The following ERC1 variants were observed in gnomAD, a reference collection of about 807,000 sequenced individuals.
The protein encoded by ERC1 is ELKS/RAB6-interacting/CAST family member 1, also known as RAB6 interacting protein 2.
In ERC1, 56 loss-of-function variants were observed where a neutral mutation model predicts 132.0. That is an observed-to-expected ratio of 0.42 (90% CI 0.34 to 0.53). The LOEUF (loss-of-function observed/expected upper bound fraction) is 0.53, where lower values mean the gene tolerates loss of function less well. ERC1 is among the 20% of genes least tolerant of loss of function. The probability of loss-of-function intolerance (pLI) is 0.03; values close to 1 mark genes in which losing one functional copy is unlikely to be tolerated. For synonymous variants in ERC1, 478 were observed against 476.1 expected (o/e 1.00, Z -0.05); for missense variants, 1,202 against 1,349.9 (o/e 0.89, Z 1.72).
intron 18 of ERC1, among the ~76,000 whole-genome samples, chr12:1,459,257 A>G (rs1263140976): frequency 6.6e-6 from 1 of 152,226 alleles, no homozygotes; most frequent in East Asian, 1.9e-4. Context: ...ATGAACTTTG[A>G]CATTATGATA....
At chr12:990,238 T>C (rs894107459), upstream of ERC1, 9 of 152,148 alleles carry the variant, frequency 5.9e-5, no homozygotes, top group African/African-American at 2.2e-4. Flanking sequence ...AAAATTATTT[T>C]AATAAACACT....
chr12:1,185,950 A>C (rs1250696202), intron 11 of ERC1, among the ~76,000 whole-genome samples: 1 of 152,194 alleles, frequency 6.6e-6, no homozygotes, highest in Non-Finnish European at 1.5e-5. Flanking sequence ...AGTTTCGCTA[A>C]CACATTAAAA....
At chr12:1,184,915 G>T (rs576384832) in intron 11 of ERC1, among the ~76,000 whole-genome samples, 2 of 152,004 alleles carry the variant, frequency 1.3e-5, no homozygotes, top group East Asian at 1.9e-4. Context: ...ACAACACCTG[G>T]CTAAGTTAAT....
At chr12:1,206,813 A>G (rs1957390280) in intron 12 of ERC1, among the ~76,000 whole-genome samples, 1 of 152,198 alleles carries the variant, frequency 6.6e-6, no homozygotes, top group East Asian at 1.9e-4. Flanking sequence ...ATTATCAGTT[A>G]CCACTGTAGA....
At chr12:1,000,019 A>G (rs1169895886) in intron 1 of ERC1, among the ~76,000 whole-genome samples, 1 of 152,138 alleles carries the variant, frequency 6.6e-6, no homozygotes, top group African/African-American at 2.4e-5. Flanking sequence ...TTGAACAGTC[A>G]TTTTTAGTTG....
chr12:1,183,358 A>T lies in ERC1; in HGVS notation c.2094A>T (p.Thr698=). The T allele has an allele frequency of 6.2e-7, 1 of 1,600,694 alleles. No individual in the cohort carries two copies. The highest frequency in any genetic ancestry group is 8.5e-7 in the Non-Finnish European group (1 of 1,170,564). The part of the protein sequence containing the change: ...SGLKKDSRLK[T]LEIALEQKKE... ...TGAAAAAGGACTCACGGCTTAAGACACTAGAGATTGCTTTGGAGCAGAAGA... is the reference window on the plus strand; with the variant it reads ...TGAAAAAGGACTCACGGCTTAAGACTCTAGAGATTGCTTTGGAGCAGAAGA... The change falls in exon 11 of 19, where the codon ACA becomes ACT. Residue 698 remains threonine, a synonymous_variant. Transcript: ENST00000360905.
chr12:1,263,488 A>G (rs2077270494), intron 14 of ERC1, among the ~76,000 whole-genome samples: 1 of 152,172 alleles, frequency 6.6e-6, no homozygotes, highest in South Asian at 2.1e-4. Context: ...GAATTGAAAT[A>G]AAGTTGTATG....
At chr12:1,119,909 A>C (rs1593425336) in intron 7 of ERC1, among the ~76,000 whole-genome samples, 3 of 152,152 alleles carry the variant, frequency 2.0e-5, no homozygotes. Context: ...GGATAATGAT[A>C]ATAACAACTT....
intron 8 of ERC1, among the ~76,000 whole-genome samples, chr12:1,175,582 G>A (rs1438371555): frequency 2.7e-5 from 4 of 149,568 alleles, no homozygotes; most frequent in Admixed American, 1.3e-4. Context: ...TGCCCGGGCT[G>A]GAGTGCAATG....
intron 2 of ERC1, among the ~76,000 whole-genome samples, chr12:1,072,937 C>T (rs754005576): frequency 1.3e-5 from 2 of 152,164 alleles, no homozygotes; most frequent in Non-Finnish European, 2.9e-5. Flanking sequence ...ACATGATCTG[C>T]GTGCCTTGCC....
chr12:1,025,534 C>G (rs546749551), intron 1 of ERC1, among the ~76,000 whole-genome samples: 2 of 151,974 alleles, frequency 1.3e-5, no homozygotes, highest in African/African-American at 2.4e-5. Flanking sequence ...ATTTAAGAAG[C>G]CTTTTCCTAA....
At chr12:1,389,992 C>T (rs941827070) in intron 16 of ERC1, among the ~76,000 whole-genome samples, 4 of 152,166 alleles carry the variant, frequency 2.6e-5, no homozygotes, top group African/African-American at 4.8e-5. Context: ...TCAAACTTGT[C>T]GTTAAGGCTT....
At chr12:1,486,784 G>T (rs1354055233) in intron 18 of ERC1, among the ~76,000 whole-genome samples, 1 of 152,164 alleles carries the variant, frequency 6.6e-6, no homozygotes, top group African/African-American at 2.4e-5. Flanking sequence ...TGAAAAAAAT[G>T]TTCTTAAACT....
chr12:1,012,986 C>T (rs975417368), intron 1 of ERC1, among the ~76,000 whole-genome samples: 2 of 152,088 alleles, frequency 1.3e-5, no homozygotes, highest in Non-Finnish European at 2.9e-5. Context: ...GATTTTTAGA[C>T]ATTTTTGTTA....
At chr12:1,129,226 C>T (rs1390455030) in intron 7 of ERC1, among the ~76,000 whole-genome samples, 3 of 152,192 alleles carry the variant, frequency 2.0e-5, no homozygotes. Flanking sequence ...CGCCTGTAAT[C>T]CTAGTGGAGG....
At chr12:1,440,260 A>G (rs1188918828) in intron 17 of ERC1, among the ~76,000 whole-genome samples, 5 of 129,328 alleles carry the variant, frequency 3.9e-5, no homozygotes, top group Middle Eastern at 5.2e-3. Context: ...GCTGGAGTGC[A>G]GTGGTGCCAT....
chr12:1,487,046 G>A (rs2154433960), intron 18 of ERC1, among the ~76,000 whole-genome samples: 1 of 152,184 alleles, frequency 6.6e-6, no homozygotes, highest in Middle Eastern at 3.4e-3. Context: ...GAGACTTTAG[G>A]GTCTGTAGCC....
intron 16 of ERC1, among the ~76,000 whole-genome samples, chr12:1,404,356 C>T (rs1011932644): frequency 6.8e-6 from 1 of 147,546 alleles, no homozygotes; most frequent in Non-Finnish European, 1.5e-5. Flanking sequence ...CATTCATTTG[C>T]AATAATCCTT....
intron 8 of ERC1, among the ~76,000 whole-genome samples, chr12:1,150,642 T>G (rs959639471): frequency 6.6e-6 from 1 of 152,220 alleles, no homozygotes; most frequent in Non-Finnish European, 1.5e-5. Flanking sequence ...GTATGTGTAC[T>G]TGATATGATC....
Sources: gnomAD v4.1 joint callset for allele counts (sites outside exome capture counted in the v4.1 genomes callset) on GRCh38, gnomAD v4.1.1 for gene constraint, MANE v1.5 for transcripts, NCBI Gene and HGNC (gene_info 2026-07-23, HGNC 2026-07-21) for gene names.